The following CNTNAP5 variants were observed in gnomAD, a reference collection of about 807,000 sequenced individuals.
CNTNAP5 encodes the protein contactin-associated protein-like 5.
In CNTNAP5, 72 loss-of-function variants were observed where a neutral mutation model predicts 150.2. That is an observed-to-expected ratio of 0.48 (90% CI 0.40 to 0.58). CNTNAP5 has a LOEUF of 0.58. Ranked by LOEUF, CNTNAP5 falls within the 20% of genes least tolerant of loss-of-function variation. The pLI is 0.00. For synonymous variants in CNTNAP5, 672 were observed against 619.8 expected, an observed-to-expected ratio of 1.08 and a Z score of -1.25; for missense variants, 1,636 against 1,626.2, an observed-to-expected ratio of 1.01 and a Z score of -0.10.
At chr2:124,794,578 A>T (rs1232140241) in intron 18 of CNTNAP5, among the ~76,000 whole-genome samples, 11 of 152,208 alleles carry the variant, frequency 7.2e-5, no homozygotes, top group Non-Finnish European at 1.3e-4. Context: ...CTCTTTACAT[A>T]TTGCCAAAAA....
chr2:124,344,306 A>C (rs898033660), intron 3 of CNTNAP5, among the ~76,000 whole-genome samples: 7 of 152,248 alleles, frequency 4.6e-5, no homozygotes, highest in South Asian at 2.1e-4. Flanking sequence ...CCAAAGTCTA[A>C]AGTCTCACCT....
intron 13 of CNTNAP5, among the ~76,000 whole-genome samples, chr2:124,677,959 A>T (rs956289886): frequency 1.3e-5 from 2 of 151,960 alleles, no homozygotes; most frequent in African/African-American, 4.8e-5. Flanking sequence ...GACCTGGCTA[A>T]AAACACCCCC....
At chr2:124,688,611 G>A (rs1478109294) in intron 13 of CNTNAP5, among the ~76,000 whole-genome samples, 2 of 152,044 alleles carry the variant, frequency 1.3e-5, no homozygotes, top group Admixed American at 6.6e-5. Context: ...TCCATTGTAC[G>A]ATTGGAAATA....
chr2:124,161,745 C>T (rs920820637), intron 1 of CNTNAP5, among the ~76,000 whole-genome samples: 8 of 152,054 alleles, frequency 5.3e-5, no homozygotes, highest in East Asian at 1.9e-4. Flanking sequence ...GATCTCTGCC[C>T]TAGATTAAGA....
chr2:124,136,669 T>C (rs529330498), intron 1 of CNTNAP5, among the ~76,000 whole-genome samples: 1 of 152,226 alleles, frequency 6.6e-6, no homozygotes, highest in Non-Finnish European at 1.5e-5. Context: ...ACTGTGAAAG[T>C]CAAAAATCAT....
chr2:124,285,728 A>G (rs1295259831), intron 3 of CNTNAP5, among the ~76,000 whole-genome samples: 9 of 152,030 alleles, frequency 5.9e-5, no homozygotes, highest in Non-Finnish European at 1.2e-4. Context: ...ACTTGAGCCC[A>G]GGAGGTAGAG....
intron 1 of CNTNAP5, among the ~76,000 whole-genome samples, chr2:124,148,500 G>C (rs1251352019): frequency 6.9e-6 from 1 of 144,982 alleles, no homozygotes; most frequent in Non-Finnish European, 1.5e-5. Context: ...TATGGAGAGA[G>C]AGGTATATAT....
chr2:124,883,772 A>G (rs1420503231), intron 21 of CNTNAP5, among the ~76,000 whole-genome samples: 1 of 152,042 alleles, frequency 6.6e-6, no homozygotes, highest in Non-Finnish European at 1.5e-5. Flanking sequence ...ATGCTTGCAT[A>G]TGTCCATGTG....
chr2:124,646,954 C>CAG (rs915827013), intron 12 of CNTNAP5, among the ~76,000 whole-genome samples: 1 of 152,106 alleles, frequency 6.6e-6, no homozygotes, highest in Non-Finnish European at 1.5e-5. Context: ...GCCAGGGCAA[C>CAG]AGAGAGAGAC....
At chr2:124,199,161 C>T (rs1354577575) in intron 1 of CNTNAP5, among the ~76,000 whole-genome samples, 2 of 151,832 alleles carry the variant, frequency 1.3e-5, no homozygotes, top group Non-Finnish European at 2.9e-5. Flanking sequence ...TTACTATTAG[C>T]TTGTCATTGT....
At chr2:124,763,374 T>C (rs924595918) in intron 14 of CNTNAP5, among the ~76,000 whole-genome samples, 1 of 152,132 alleles carries the variant, frequency 6.6e-6, no homozygotes, top group Non-Finnish European at 1.5e-5. Flanking sequence ...TAGCACACAT[T>C]GAGCTGGTGG....
At chr2:124,458,327 A>G (rs11687121) in intron 6 of CNTNAP5, among the ~76,000 whole-genome samples, 98,554 of 140,626 alleles carry the variant, frequency 0.7, 33,781 homozygotes, top group East Asian at 0.84. Context: ...AAAATGGAAT[A>G]CTACTCAACC....
chr2:124,588,594 T>C (rs930505760), intron 11 of CNTNAP5, among the ~76,000 whole-genome samples: 5 of 152,128 alleles, frequency 3.3e-5, no homozygotes, highest in Admixed American at 2.6e-4. Flanking sequence ...ACAGTTTATA[T>C]TGAGCTTGCT....
At chr2:124,881,450 G>A (rs67248581) in intron 21 of CNTNAP5, among the ~76,000 whole-genome samples, 25,085 of 152,070 alleles carry the variant, frequency 0.16, 2,232 homozygotes, top group African/African-American at 0.2. Flanking sequence ...AAATAAATTC[G>A]TTCTGGTCTG....
chr2:124,721,482 A>AAAATAAATAAATAAAT (rs796076753), intron 13 of CNTNAP5, among the ~76,000 whole-genome samples: 1 of 118,760 alleles, frequency 8.4e-6, no homozygotes, highest in African/African-American at 3.3e-5. Context: ...ACTCCATCTC[A>AAAATAAATAAATAAAT]AAATAAATAA....
chr2:124,496,835 C>A (rs1202843280), intron 7 of CNTNAP5, among the ~76,000 whole-genome samples: 1 of 152,216 alleles, frequency 6.6e-6, no homozygotes, highest in South Asian at 2.1e-4. Context: ...TCTTCACCAA[C>A]CCATGCATCC....
chr2:124,341,585 T>C (rs1160030255), intron 3 of CNTNAP5, among the ~76,000 whole-genome samples: 1 of 152,148 alleles, frequency 6.6e-6, no homozygotes, highest in African/African-American at 2.4e-5. Flanking sequence ...GAAGTGGTGT[T>C]TACAGAGCTC....
intron 21 of CNTNAP5, among the ~76,000 whole-genome samples, chr2:124,888,959 C>A (rs1384982022): frequency 2.0e-5 from 3 of 150,592 alleles, no homozygotes; most frequent in Non-Finnish European, 4.4e-5. Context: ...TTACATTTGT[C>A]AATTTTTGTT....
intron 13 of CNTNAP5, among the ~76,000 whole-genome samples, chr2:124,681,694 G>T (rs1452280015): frequency 3.3e-5 from 5 of 152,156 alleles, no homozygotes; most frequent in Non-Finnish European, 5.9e-5. Flanking sequence ...CTCCTGAGTA[G>T]CTGGGACTAC....
Sources: gnomAD v4.1 joint callset for allele counts (sites outside exome capture counted in the v4.1 genomes callset) on GRCh38, gnomAD v4.1.1 for gene constraint, MANE v1.5 for transcripts, NCBI Gene and HGNC (gene_info 2026-07-23, HGNC 2026-07-21) for gene names.